Variants in PEAK1 observed in about 807,000 individuals in gnomAD.
PEAK1 encodes pseudopodium enriched atypical kinase 1.
In PEAK1, 54 loss-of-function variants were observed where a neutral mutation model predicts 124.7. The observed-to-expected ratio is 0.43, with a 90% CI of 0.35 to 0.54. PEAK1 has a LOEUF of 0.54. PEAK1 is among the 20% of genes least tolerant of loss of function. The probability of loss-of-function intolerance (pLI) is 0.01; values close to 1 mark genes in which losing one functional copy is unlikely to be tolerated. For missense variants in PEAK1, 2,046 were observed against 2,134.5 expected (o/e 0.96, Z 0.82); for synonymous variants, 719 against 760.0 (o/e 0.95, Z 0.89).
At chr15:77,348,827 A>ACGC in intron 2 of PEAK1, 1 of 577,934 alleles carries the variant, frequency 1.7e-6, no homozygotes, top group Non-Finnish European at 2.1e-6. Context: ...GTGGGGGTAG[A>ACGC]GTGGGGGTCT....
intron 6 of PEAK1, among the ~76,000 whole-genome samples, chr15:77,188,884 AG>A (rs1355304145): frequency 6.6e-6 from 1 of 152,098 alleles, no homozygotes; most frequent in African/African-American, 2.4e-5. Flanking sequence ...ACTAAGTACC[AG>A]GCCCTTTACC....
rs985562910 is a variant in PEAK1 at position 77,109,779 on chromosome 15, A to G, written c.*4377T>C. The G allele has an allele frequency of 6.6e-6, 1 of 152,206 alleles. No homozygotes were observed. The highest frequency in any genetic ancestry group is 2.4e-5 in the African/African-American group (1 of 41,446). The allele number at this position is 152,206 out of a possible 1,614,324, so 9.4% of individuals were successfully genotyped here. A position where few individuals can be genotyped will look rare whatever the true frequency, so the allele number is the denominator to read the frequency against. On this transcript the variant is annotated 3_prime_UTR_variant, in exon 10 of 10. Coordinates refer to ENST00000682557, the MANE Select transcript of PEAK1 (RefSeq NM_001385026.1). Reference sequence around the variant, plus strand: ...GGAGCGGAATTTTCAATCCTTGTCAACTAGTGAGGAGAATGAAAAACATGC... The same window carrying G: ...GGAGCGGAATTTTCAATCCTTGTCAGCTAGTGAGGAGAATGAAAAACATGC...
At chr15:77,386,325 C>T (rs372258107) in intron 1 of PEAK1, among the ~76,000 whole-genome samples, 3 of 152,132 alleles carry the variant, frequency 2.0e-5, no homozygotes, top group Admixed American at 6.6e-5. Flanking sequence ...CTAAGAATGG[C>T]TCTATGTACA....
intron 6 of PEAK1, among the ~76,000 whole-genome samples, chr15:77,192,042 G>A (rs913806237): frequency 6.6e-6 from 1 of 152,150 alleles, no homozygotes; most frequent in Non-Finnish European, 1.5e-5. Flanking sequence ...GATGATGTCC[G>A]AATGGAAATA....
intron 2 of PEAK1, among the ~76,000 whole-genome samples, chr15:77,320,730 T>A (rs1468519926): frequency 6.6e-6 from 1 of 152,208 alleles, no homozygotes; most frequent in African/African-American, 2.4e-5. Context: ...TACATATGTA[T>A]ACATGTGCCA....
chr15:77,113,789 T>C lies in PEAK1; in HGVS notation c.*367A>G. ...AAATACTTGGTGCTAAAAAGATAGG[T>C]GATATCCAGAATTATGGAGGAAATG... On this transcript the variant is annotated 3_prime_UTR_variant, in exon 10 of 10. Transcript: ENST00000682557. 4.2e-6 allele frequency: 1 copy of C among 238,850 alleles called. No individual in the cohort carries two copies. Among genetic ancestry groups the C allele is most frequent in the Non-Finnish European group, 8.2e-6 (1 of 122,134 alleles). The allele number at this position is 238,850 out of a possible 1,614,324, so 14.8% of individuals were successfully genotyped here.
intron 2 of PEAK1, chr15:77,347,606 G>C: frequency 1.0e-6 from 1 of 985,278 alleles, no homozygotes; most frequent in Non-Finnish European, 1.2e-6. Context: ...CTACACATTT[G>C]AGATAGCCCA....
At chr15:77,292,713 T>C (rs148341431) in intron 2 of PEAK1, among the ~76,000 whole-genome samples, 59 of 152,270 alleles carry the variant, frequency 3.9e-4, no homozygotes, top group African/African-American at 1.3e-3. Context: ...GATTTAGGGA[T>C]TACAGATAAA....
At chr15:77,410,819 G>A (rs1567369215) in intron 1 of PEAK1, among the ~76,000 whole-genome samples, 1 of 152,218 alleles carries the variant, frequency 6.6e-6, no homozygotes, top group East Asian at 1.9e-4. Context: ...AATAAGAATG[G>A]AATCCTGCAA....
intron 5 of PEAK1, among the ~76,000 whole-genome samples, chr15:77,265,345 C>T (rs1428197017): frequency 1.3e-5 from 2 of 152,098 alleles, no homozygotes; most frequent in Non-Finnish European, 2.9e-5. Context: ...AAAATTTTCG[C>T]AACCTACTCA....
intron 8 of PEAK1, among the ~76,000 whole-genome samples, chr15:77,154,566 G>A (rs919542571): frequency 3.3e-5 from 5 of 152,208 alleles, no homozygotes; most frequent in African/African-American, 9.7e-5. Context: ...AGTTGATGCA[G>A]TTTCTTCCTA....
chr15:77,212,723 A>T (rs779767940), intron 6 of PEAK1, among the ~76,000 whole-genome samples: 1 of 152,212 alleles, frequency 6.6e-6, no homozygotes, highest in Non-Finnish European at 1.5e-5. Flanking sequence ...TCTATAAACA[A>T]CAAACCAGGG....
chr15:77,220,388 C>T (rs936165965), intron 6 of PEAK1, among the ~76,000 whole-genome samples: 4 of 151,820 alleles, frequency 2.6e-5, no homozygotes, highest in Admixed American at 6.6e-5. Context: ...TACTTGACTA[C>T]GCAATACATC....
At chr15:77,348,230 C>T (rs1378063195) in intron 2 of PEAK1, 2 of 966,538 alleles carry the variant, frequency 2.1e-6, no homozygotes, top group Non-Finnish European at 2.5e-6. Flanking sequence ...CCCACCTGTA[C>T]TGGAATCCCA....
At position 77,367,173 on chromosome 15, in the gene PEAK1, C is replaced by T. The variant is rs573193055; in HGVS notation, c.-665-1948G>A. 3.3e-5 allele frequency among the ~76,000 whole-genome samples: 5 copies of T among 152,190 alleles called. No individual in the cohort carries two copies. The East Asian group carries it at 7.7e-4, about 24-fold the overall frequency. ...GCAAACTAAAAGTACAAATGATTTGCTAAATAAGCTAGAATATTAAGCAAT... is the reference window on the plus strand; with the variant it reads ...GCAAACTAAAAGTACAAATGATTTGTTAAATAAGCTAGAATATTAAGCAAT... On this transcript the variant is annotated intron_variant, in intron 1 of 9. Transcript: ENST00000682557.
rs560942222 is a variant in PEAK1, at chr15:77,407,366, A to G, written c.-666+12640T>C. Among the ~76,000 whole-genome samples, 8 of 152,332 alleles carry G rather than the reference A, an allele frequency of 5.3e-5. No individual in the cohort carries two copies. The East Asian group carries it at 1.5e-3, about 29-fold the overall frequency. On this transcript the variant is annotated intron_variant, in intron 1 of 9. Coordinates refer to ENST00000682557, the MANE Select transcript of PEAK1 (RefSeq NM_001385026.1). ...GGGTGGGAGAAAATCTTCACAAACTATGCATCCGACAAAAGACTACTATCC... is the reference window on the plus strand; with the variant it reads ...GGGTGGGAGAAAATCTTCACAAACTGTGCATCCGACAAAAGACTACTATCC...
intron 2 of PEAK1, chr15:77,330,967 G>A (rs184519600): frequency 1.3e-4 from 118 of 876,488 alleles, no homozygotes; most frequent in Non-Finnish European, 1.6e-4. Context: ...CTAAGTATTT[G>A]TGAGTGAATG....
intron 5 of PEAK1, among the ~76,000 whole-genome samples, chr15:77,254,318 G>C (rs901804432): frequency 6.6e-6 from 1 of 151,958 alleles, no homozygotes; most frequent in East Asian, 1.9e-4. Context: ...ATATACATAA[G>C]TTTGACTGCT....
intron 5 of PEAK1, among the ~76,000 whole-genome samples, chr15:77,282,363 C>T (rs987338388): frequency 6.6e-6 from 1 of 152,096 alleles, no homozygotes; most frequent in African/African-American, 2.4e-5. Flanking sequence ...AGGAAAAACA[C>T]TTAATTTAAT....
Sources: allele counts gnomAD v4.1 joint callset (sites outside exome capture counted in the v4.1 genomes callset), GRCh38; gene constraint gnomAD v4.1.1; transcripts MANE v1.5; gene names NCBI Gene and HGNC (gene_info 2026-07-23, HGNC 2026-07-21).